The following KCNQ1 variants were observed in gnomAD, a reference collection of about 807,000 sequenced individuals.
KCNQ1 encodes the protein potassium voltage-gated channel subfamily KQT member 1.
In KCNQ1, 49 loss-of-function variants were observed where a neutral mutation model predicts 72.4. The observed-to-expected ratio is 0.68, with a 90% CI of 0.54 to 0.86. The LOEUF is 0.86. Ranked by LOEUF, KCNQ1 falls within the 40% of genes least tolerant of loss-of-function variation. The pLI is 0.00. For missense variants in KCNQ1, 790 were observed against 945.1 expected (o/e 0.84, Z 2.15); for synonymous variants, 450 against 412.6 (o/e 1.09, Z -1.10).
chr11:2,561,922 G>A (rs1438042667), intron 2 of KCNQ1, among the ~76,000 whole-genome samples: 6 of 152,088 alleles, frequency 3.9e-5, no homozygotes, highest in African/African-American at 1.4e-4. Flanking sequence ...CGGGCTGCAC[G>A]TTCCATGGGG....
intron 11 of KCNQ1, among the ~76,000 whole-genome samples, chr11:2,761,807 C>G (rs544165651): frequency 2.6e-5 from 4 of 152,262 alleles, no homozygotes; most frequent in African/African-American, 7.2e-5. Context: ...TGGGCTGGCA[C>G]CCTCAGCCCT....
At chr11:2,741,619 A>G (rs1054313116) in intron 11 of KCNQ1, among the ~76,000 whole-genome samples, 3 of 152,008 alleles carry the variant, frequency 2.0e-5, no homozygotes, top group African/African-American at 7.2e-5. Flanking sequence ...CCTGCCCTTT[A>G]GCCTCCTCTC....
Position 2,516,894 on chromosome 11 carries a change from A to G in KCNQ1, c.387-11034A>G, listed in dbSNP as rs927380083. Among the ~76,000 whole-genome samples, 12 of 151,564 alleles carry G rather than the reference A, an allele frequency of 7.9e-5. No homozygotes were observed. The highest frequency in any genetic ancestry group is 2.7e-4 in the African/African-American group (11 of 41,184). ...CCCCCACCTTGCCACGACCCCCCAG[A>G]GTTTGCCTGGTGTCACCGGGAAGCT... On this transcript the variant is annotated intron_variant, in intron 1 of 15. Coordinates refer to ENST00000155840, the MANE Select transcript of KCNQ1 (RefSeq NM_000218.3). The surrounding 1 kb of genome is among the most constrained non-coding windows in gnomAD (Gnocchi z 7.0).
At chr11:2,525,327 C>T (rs1847478135) in intron 1 of KCNQ1, among the ~76,000 whole-genome samples, 1 of 152,334 alleles carries the variant, frequency 6.6e-6, no homozygotes, top group Admixed American at 6.5e-5. Flanking sequence ...ACAGATTCAC[C>T]CTACGGAGGG....
Position 2,464,279 on chromosome 11 carries a change from G to A in KCNQ1, c.386+18795G>A, listed in dbSNP as rs1846320840. Among the ~76,000 whole-genome samples the A allele has an allele frequency of 6.6e-6, 1 of 152,190 alleles. No individual in the cohort carries two copies. The highest frequency in any genetic ancestry group is 6.5e-5 in the Admixed American group (1 of 15,284). ...TCGTGGTCACCCCTGGGTGTGGGCTGTGGGTTTTAATCTTTTCATTTTTGC... is the reference window on the plus strand; with the variant it reads ...TCGTGGTCACCCCTGGGTGTGGGCTATGGGTTTTAATCTTTTCATTTTTGC... On this transcript the variant is annotated intron_variant, in intron 1 of 15. Coordinates refer to ENST00000155840, the MANE Select transcript of KCNQ1 (RefSeq NM_000218.3). This position sits in a 1 kb window ranked among gnomAD's most constrained non-coding sequence, Gnocchi z 5.0.
At chr11:2,832,578 G>A (rs1847974675) in intron 15 of KCNQ1, among the ~76,000 whole-genome samples, 1 of 152,218 alleles carries the variant, frequency 6.6e-6, no homozygotes, top group East Asian at 1.9e-4. Flanking sequence ...AGGAGAGCCA[G>A]TGCAGGCAAA....
At position 2,612,144 on chromosome 11, in the gene KCNQ1, A is replaced by G. The variant is rs1488331793; in HGVS notation, c.1393+23290A>G. The G allele has an allele frequency of 2.5e-6, 1 of 398,662 alleles. No individual in the cohort carries two copies. The allele number at this position is 398,662 out of a possible 1,614,324, so 24.7% of individuals were successfully genotyped here. On this transcript the variant is annotated intron_variant, in intron 10 of 15. Transcript: ENST00000155840. This position sits in a 1 kb window ranked among gnomAD's most constrained non-coding sequence, Gnocchi z 5.5. ...ATGGACTGGTACCAGTCTGTGGCCT[A>G]TTAGAAACTGGGCTACACAGCAGGA...
chr11:2,459,564 G>A (rs1367233442), intron 1 of KCNQ1, among the ~76,000 whole-genome samples: 3 of 152,116 alleles, frequency 2.0e-5, no homozygotes, highest in Non-Finnish European at 2.9e-5. Flanking sequence ...GCACTGTGGC[G>A]ACTGGCAGTA....
In KCNQ1 at chr11:2,571,718, G is replaced by A. The variant is rs1366752855; in HGVS notation, c.684-295G>A. ...ACAGCCTGCCCATCTGCAAACTGGG[G>A]TGACCCAAGGAGCCCCCCAGAAGGC... On this transcript the variant is annotated intron_variant, in intron 4 of 15. Coordinates refer to ENST00000155840, the MANE Select transcript of KCNQ1 (RefSeq NM_000218.3). 2.0e-5 allele frequency among the ~76,000 whole-genome samples: 3 copies of A among 152,142 alleles called. No individual in the cohort carries two copies. In the East Asian group the frequency reaches 5.8e-4, roughly 29 times the overall value.
rs1470761259 is a variant in KCNQ1 at position 2,492,247 on chromosome 11, GATAA to G, written c.387-35676_387-35673del. Among the ~76,000 whole-genome samples the G allele has an allele frequency of 4.6e-5, 7 of 152,122 alleles. No individual in the cohort carries two copies. Among genetic ancestry groups the G allele is most frequent in the African/African-American group, 1.4e-4 (6 of 41,400 alleles). ...AAGTAGAAGGATGAAAAGAAGAACT[GATAA>G]ATAATGACTACAACAACTTTTGCGG... On this transcript the variant is annotated intron_variant, in intron 1 of 15. Coordinates refer to ENST00000155840, the MANE Select transcript of KCNQ1 (RefSeq NM_000218.3). The surrounding 1 kb of genome is among the most constrained non-coding windows in gnomAD (Gnocchi z 4.1).
intron 5 of KCNQ1, 137 bp downstream of exon 5, chr11:2,572,246 C>CAGGGCGCAG: frequency 3.1e-6 from 2 of 653,490 alleles, no homozygotes; most frequent in Admixed American, 4.9e-5. Flanking sequence ...GGTACCTGAA[C>CAGGGCGCAG]GGGGCCCAGG....
intron 11 of KCNQ1, among the ~76,000 whole-genome samples, chr11:2,739,493 C>A (rs570988179): frequency 1.3e-5 from 2 of 152,138 alleles, no homozygotes; most frequent in Non-Finnish European, 2.9e-5. Context: ...ATTTTTATTA[C>A]GCAAAAAAGG....
In KCNQ1 at chr11:2,661,504, G is replaced by A. The variant is rs764311813; in HGVS notation, c.1394-457G>A. On this transcript the variant is annotated intron_variant, in intron 10 of 15. Transcript: ENST00000155840. The surrounding 1 kb of genome is among the most constrained non-coding windows in gnomAD (Gnocchi z 5.9). Reference sequence around the variant, plus strand: ...CTCCCAGGCTTGCCATTCCTCATGGGTCAGAGGTCCTATCACCCCATCTTT... The same window carrying A: ...CTCCCAGGCTTGCCATTCCTCATGGATCAGAGGTCCTATCACCCCATCTTT... The A allele has an allele frequency of 6.5e-6, 3 of 462,968 alleles. No individual in the cohort carries two copies. Among genetic ancestry groups the A allele is most frequent in the African/African-American group, 2.0e-5 (1 of 51,164 alleles). 28.7% of individuals were successfully genotyped at this position (462,968 alleles called of 1,614,324 possible). A position where few individuals can be genotyped will look rare whatever the true frequency, so the allele number is the denominator to read the frequency against.
In KCNQ1 at chr11:2,475,789, T is replaced by C. The variant is rs1438356737; in HGVS notation, c.386+30305T>C. Among the ~76,000 whole-genome samples the C allele has an allele frequency of 6.6e-6, 1 of 152,176 alleles. No homozygotes were observed. The highest frequency in any genetic ancestry group is 2.4e-5 in the African/African-American group (1 of 41,432). On this transcript the variant is annotated intron_variant, in intron 1 of 15. Transcript: ENST00000155840. The surrounding 1 kb of genome is among the most constrained non-coding windows in gnomAD (Gnocchi z 5.8). ...AGTGAATACGTCTCATAAGATCTGA[T>C]GGTTTTAAAAAGAGGCATTCCGCTA...
chr11:2,777,026 G>A lies in KCNQ1; in HGVS notation c.1726G>A (p.Val576Ile), dbSNP rs750409379. The change falls in exon 14 of 16, where the codon GTC becomes ATC. Residue 576 changes from valine (V) to isoleucine (I), a missense_variant. Around this residue, in one of 5 missense-constraint regions of KCNQ1, gnomAD observed 91 missense variants for 139.1 expected, o/e 0.65. Coordinates refer to ENST00000155840, the MANE Select transcript of KCNQ1 (RefSeq NM_000218.3). ...TGGGAAGCCCTCACTGTTCATCTCC[G>A]TCTCAGGTGGGTTTCTGTGTCAGTT... The part of the protein sequence containing the change: ...SIGKPSLFIS[V>I]SEKSKDRGSN... 6.9e-5 allele frequency: 112 copies of A among 1,613,946 alleles called. No individual in the cohort carries two copies. Among genetic ancestry groups the A allele is most frequent in the South Asian group, 1.3e-4 (12 of 91,062 alleles).
intron 2 of KCNQ1, among the ~76,000 whole-genome samples, chr11:2,528,354 CT>C (rs1847546848): frequency 6.6e-6 from 1 of 152,156 alleles, no homozygotes; most frequent in Non-Finnish European, 1.5e-5. Context: ...CTGCCCGAGC[CT>C]TCGTGTCCCT....
chr11:2,594,474 A>G (rs1848709391), intron 10 of KCNQ1, among the ~76,000 whole-genome samples: 1 of 152,148 alleles, frequency 6.6e-6, no homozygotes, highest in Non-Finnish European at 1.5e-5. Flanking sequence ...TCAACCGTGG[A>G]AAGTCAGTAC....
chr11:2,549,891 G>A lies in KCNQ1; in HGVS notation c.478-20737G>A, dbSNP rs546775621. On this transcript the variant is annotated intron_variant, in intron 2 of 15. Coordinates refer to ENST00000155840, the MANE Select transcript of KCNQ1 (RefSeq NM_000218.3). The surrounding 1 kb of genome is among the most constrained non-coding windows in gnomAD (Gnocchi z 6.2). Reference sequence around the variant, plus strand: ...CTTTTCCTTCTGCACCACTCAATCTGGGGGTTCCGGCTCCTTGCCCACCGC... The same window carrying A: ...CTTTTCCTTCTGCACCACTCAATCTAGGGGTTCCGGCTCCTTGCCCACCGC... Among the ~76,000 whole-genome samples, 5 of 152,278 alleles carry A rather than the reference G, an allele frequency of 3.3e-5. No individual in the cohort carries two copies. In the South Asian group the frequency reaches 1.0e-3, roughly 32 times the overall value.
chr11:2,612,806 AT>A lies in KCNQ1; in HGVS notation c.1393+23960del, dbSNP rs1035462387. The A allele has an allele frequency of 1.8e-5, 7 of 398,012 alleles. No homozygotes were observed. Among genetic ancestry groups the A allele is most frequent in the Non-Finnish European group, 3.1e-5 (7 of 225,970 alleles). 24.7% of individuals were successfully genotyped at this position (398,012 alleles called of 1,614,324 possible). ...AATTTTCTGTTTCTTTGCATATCTC[AT>A]TTTTTTTGTTAAAAACTTACTTTAG... On this transcript the variant is annotated intron_variant, in intron 10 of 15. Coordinates refer to ENST00000155840, the MANE Select transcript of KCNQ1 (RefSeq NM_000218.3). The surrounding 1 kb of genome is among the most constrained non-coding windows in gnomAD (Gnocchi z 5.5).
Sources: allele counts gnomAD v4.1 joint callset (sites outside exome capture counted in the v4.1 genomes callset), GRCh38; gene constraint gnomAD v4.1.1; regional missense constraint gnomAD v4.1.1; non-coding constraint Gnocchi (gnomAD v3.1); transcripts MANE v1.5; gene names NCBI Gene and HGNC (gene_info 2026-07-23, HGNC 2026-07-21).